CD96: variants seen among roughly 807,000 people sequenced by gnomAD.
CD96 encodes T-cell surface protein tactile.
CD96 carries 70 observed loss-of-function variants against 71.3 expected under a neutral mutation model. The observed-to-expected ratio is 0.98, with a 90% CI of 0.81 to 1.20. The LOEUF (loss-of-function observed/expected upper bound fraction) is 1.20, where lower values mean the gene tolerates loss of function less well. Ranked by LOEUF, CD96 falls within the 50% of genes most tolerant of loss-of-function variation. The pLI is 0.00. For synonymous variants in CD96, 248 were observed against 233.0 expected (o/e 1.06, Z -0.59); for missense variants, 742 against 677.5 (o/e 1.10, Z -1.06).
chr3:111,625,406 C>A (rs1166438920), intron 10 of CD96, among the ~76,000 whole-genome samples: 1 of 151,972 alleles, frequency 6.6e-6, no homozygotes, highest in Non-Finnish European at 1.5e-5. Context: ...ACCCATGAAC[C>A]CAGTACCCAA....
intron 5 of CD96, among the ~76,000 whole-genome samples, chr3:111,597,409 T>C (rs1937308147): frequency 6.6e-6 from 1 of 152,184 alleles, no homozygotes; most frequent in South Asian, 2.1e-4. Context: ...ACTTCTTTCA[T>C]TTTTTTATTT....
chr3:111,555,408 A>C (rs1308652444), intron 2 of CD96, among the ~76,000 whole-genome samples: 1 of 152,298 alleles, frequency 6.6e-6, no homozygotes, highest in Non-Finnish European at 1.5e-5. Flanking sequence ...GTGTAAGACA[A>C]ATCTACTTGC....
chr3:111,596,800 A>C (rs1316424789), intron 5 of CD96, among the ~76,000 whole-genome samples: 2 of 152,166 alleles, frequency 1.3e-5, no homozygotes, highest in Admixed American at 6.5e-5. Context: ...TAGTGGAGAG[A>C]CTAGCATCCC....
At chr3:111,580,647 C>T (rs1260988849) in intron 4 of CD96, among the ~76,000 whole-genome samples, 3 of 151,938 alleles carry the variant, frequency 2.0e-5, no homozygotes, top group East Asian at 1.9e-4. Flanking sequence ...ACAAAATTGC[C>T]TCCCCCTTCC....
intron 5 of CD96, among the ~76,000 whole-genome samples, chr3:111,588,674 C>A (rs1162294297): frequency 3.3e-5 from 5 of 152,124 alleles, no homozygotes; most frequent in Non-Finnish European, 7.4e-5. Context: ...ACCATCAGAT[C>A]TCATGAGACT....
intron 10 of CD96, among the ~76,000 whole-genome samples, chr3:111,628,963 T>C (rs1576410910): frequency 6.6e-6 from 1 of 152,120 alleles, no homozygotes; most frequent in Non-Finnish European, 1.5e-5. Context: ...AAGCAAATGC[T>C]GAGAGAATGC....
At chr3:111,582,401 G>A (rs2107594194) in intron 4 of CD96, among the ~76,000 whole-genome samples, 1 of 152,300 alleles carries the variant, frequency 6.6e-6, no homozygotes, top group Non-Finnish European at 1.5e-5. Context: ...TGCTAGAGAT[G>A]AAGAAATTGA....
At chr3:111,618,679 G>A (rs2107697884) in intron 8 of CD96, among the ~76,000 whole-genome samples, 1 of 149,804 alleles carries the variant, frequency 6.7e-6, no homozygotes, top group South Asian at 2.1e-4. Flanking sequence ...CCGCCTCCCA[G>A]GTTCACGCCA....
intron 3 of CD96, among the ~76,000 whole-genome samples, chr3:111,569,745 G>T (rs143542240): frequency 6.6e-6 from 1 of 152,108 alleles, no homozygotes; most frequent in Non-Finnish European, 1.5e-5. Context: ...ATGTGAGTCT[G>T]AGCTTCTCCT....
intron 2 of CD96, among the ~76,000 whole-genome samples, chr3:111,565,060 C>G (rs1935642045): frequency 6.6e-6 from 1 of 152,148 alleles, no homozygotes; most frequent in South Asian, 2.1e-4. Flanking sequence ...CTTGAAGACA[C>G]TGGTGATTTG....
rs374379667 is a variant in CD96 at position 111,638,080 on chromosome 3, C to T, written c.1389C>T (p.Asp463=). 71 of 1,583,788 alleles carry T rather than the reference C, an allele frequency of 4.5e-5. No homozygotes were observed. In the Admixed American group the frequency reaches 1.2e-3, roughly 26 times the overall value. ...SPSGAGSTLH[D]NVFTSTARAF... Reference sequence around the variant, plus strand: ...CAGATATCCCCTTTATATCCCTAGACAATGTCTTTACCAGCACAGCCAGAG... The same window carrying T: ...CAGATATCCCCTTTATATCCCTAGATAATGTCTTTACCAGCACAGCCAGAG... Residue 463 remains aspartate, a splice_region_variant and synonymous_variant, in exon 12 of 14, where the codon GAC becomes GAT. Transcript: ENST00000352690.
intron 6 of CD96, among the ~76,000 whole-genome samples, chr3:111,598,760 G>A (rs1937365835): frequency 6.6e-6 from 1 of 152,142 alleles, no homozygotes; most frequent in South Asian, 2.1e-4. Context: ...CCTGGAGGAG[G>A]AACACACATC....
At chr3:111,626,117 C>T (rs1016063646) in intron 10 of CD96, among the ~76,000 whole-genome samples, 3 of 151,866 alleles carry the variant, frequency 2.0e-5, no homozygotes, top group Admixed American at 6.6e-5. Flanking sequence ...TCCTGGCTAA[C>T]AGTGAAGCCC....
intron 8 of CD96, among the ~76,000 whole-genome samples, chr3:111,614,359 A>G (rs1325061277): frequency 6.6e-6 from 1 of 152,162 alleles, no homozygotes; most frequent in Non-Finnish European, 1.5e-5. Flanking sequence ...GAGGTAGGTA[A>G]GGAAGGAACT....
chr3:111,580,491 AAG>A (rs1559733652), intron 4 of CD96, among the ~76,000 whole-genome samples: 1 of 152,160 alleles, frequency 6.6e-6, no homozygotes, highest in Admixed American at 6.5e-5. Context: ...GAGATAAACA[AAG>A]AGAAAATAAC....
intron 1 of CD96, among the ~76,000 whole-genome samples, chr3:111,543,312 A>G (rs975797672): frequency 6.6e-6 from 1 of 152,154 alleles, no homozygotes; most frequent in African/African-American, 2.4e-5. Context: ...AACACTATTG[A>G]AGGCATGTCA....
chr3:111,542,375 A>T, intron 1 of CD96, 66 bp downstream of exon 1: 1 of 780,932 alleles, frequency 1.3e-6, no homozygotes, highest in Non-Finnish European at 2.1e-6. Flanking sequence ...GCCTCTGTTC[A>T]TTTAAAATGC....
At chr3:111,549,121 C>T (rs7649385) in intron 2 of CD96, among the ~76,000 whole-genome samples, 18,158 of 152,070 alleles carry the variant, frequency 0.12, 1,181 homozygotes, top group Non-Finnish European at 0.13. Context: ...TTTCCTTTCC[C>T]TTCCCCCTTA....
chr3:111,657,397 AG>A (rs1940256271), intron 14 of CD96, among the ~76,000 whole-genome samples: 1 of 151,730 alleles, frequency 6.6e-6, no homozygotes, highest in African/African-American at 2.4e-5. Context: ...ACTGGGCAAC[AG>A]AGTAAGACTC....
Sources: gnomAD v4.1 joint callset for allele counts (sites outside exome capture counted in the v4.1 genomes callset) on GRCh38, gnomAD v4.1.1 for gene constraint, MANE v1.5 for transcripts, NCBI Gene and HGNC (gene_info 2026-07-23, HGNC 2026-07-21) for gene names.